DNAJC11: variants seen among roughly 807,000 people sequenced by gnomAD.
The protein encoded by DNAJC11 is dnaJ homolog subfamily C member 11.
DNAJC11 carries 15 observed loss-of-function variants against 78.6 expected under a neutral mutation model. The ratio of observed to expected loss-of-function variants is 0.19; its 90% confidence interval spans 0.13 to 0.29. The LOEUF is 0.29. DNAJC11 is among the 10% of genes least tolerant of loss of function. The probability of loss-of-function intolerance (pLI) is 1.00; values close to 1 mark genes in which losing one functional copy is unlikely to be tolerated. For synonymous variants in DNAJC11, 292 were observed against 272.1 expected (o/e 1.07, Z -0.72); for missense variants, 547 against 709.6 (o/e 0.77, Z 2.60).
chr1:6,652,757 G>A (rs994477043), intron 6 of DNAJC11, 72 bp downstream of exon 6: 12 of 1,597,480 alleles, frequency 7.5e-6, no homozygotes, highest in South Asian at 2.2e-5. Flanking sequence ...TTGAGGGTGA[G>A]CTTTGAGAGT....
Position 6,644,707 on chromosome 1 carries a change from C to T in DNAJC11, c.981-33G>A, listed in dbSNP as rs756958966. ...GAGAGAACGCGGTCTGTGCCTGTGC[C>T]CCTCATTCATCACTTCAGGGGCAGC... On this transcript the variant is annotated intron_variant, in intron 9 of 15. Coordinates refer to ENST00000377577, the MANE Select transcript of DNAJC11 (RefSeq NM_018198.4). The T allele has an allele frequency of 2.7e-5, 42 of 1,570,800 alleles. 1 individual carries two copies. Among genetic ancestry groups the T allele is most frequent in the Middle Eastern group, 1.7e-4 (1 of 5,972 alleles).
intron 14 of DNAJC11, 116 bp from the exon 15 acceptor site, chr1:6,636,362 A>C: frequency 1.4e-6 from 2 of 1,412,520 alleles, no homozygotes; most frequent in East Asian, 4.6e-5. Flanking sequence ...GGGAGATGCA[A>C]ACTTTGGGGC....
chr1:6,681,409 A>C (rs1195535259), intron 1 of DNAJC11, among the ~76,000 whole-genome samples: 1 of 152,248 alleles, frequency 6.6e-6, no homozygotes. Flanking sequence ...AGGTTCAGGC[A>C]AAGAAAAGCT....
chr1:6,651,250 T>TAGGTAAGGGAGAC, intron 7 of DNAJC11: 1 of 634,898 alleles, frequency 1.6e-6, no homozygotes, highest in Non-Finnish European at 3.0e-6. Flanking sequence ...CTGAAGGCAC[T>TAGGTAAGGGAGAC]CTTTCTCCGT....
rs537019443 is a variant in DNAJC11, at chr1:6,669,790, G to A, written c.277-1980C>T. ...ACAGTGGTTACTCTTTTTCTATCAC[G>A]ACCAAAGTTATCAGATGGATGGGGG... On this transcript the variant is annotated intron_variant, in intron 3 of 15. Transcript: ENST00000377577. Among the ~76,000 whole-genome samples, 3 of 152,050 alleles carry A rather than the reference G, an allele frequency of 2.0e-5. No individual in the cohort carries two copies. The East Asian group carries it at 5.8e-4, about 29-fold the overall frequency.
chr1:6,687,305 T>C (rs1642670416), intron 1 of DNAJC11, among the ~76,000 whole-genome samples: 1 of 151,960 alleles, frequency 6.6e-6, no homozygotes, highest in Non-Finnish European at 1.5e-5. Context: ...CCTATTTCAT[T>C]TTGTAAAGGT....
chr1:6,667,340 C>T (rs1642308529), intron 4 of DNAJC11, among the ~76,000 whole-genome samples: 1 of 152,152 alleles, frequency 6.6e-6, no homozygotes, highest in Non-Finnish European at 1.5e-5. Flanking sequence ...CTCTGCCCTG[C>T]CTGCCTCTGT....
intron 7 of DNAJC11, among the ~76,000 whole-genome samples, chr1:6,646,567 G>A (rs370008156): frequency 6.6e-6 from 1 of 152,136 alleles, no homozygotes; most frequent in African/African-American, 2.4e-5. Flanking sequence ...TTTTGGAGCT[G>A]CTGTGTGATT....
At chr1:6,654,104 A>G in intron 4 of DNAJC11, 65 bp from the exon 5 acceptor site, 1 of 1,582,016 alleles carries the variant, frequency 6.3e-7, no homozygotes, top group South Asian at 1.1e-5. Context: ...ACAATGCTAC[A>G]CTTCAACAGC....
At chr1:6,652,722 C>G (rs1642074158) in intron 6 of DNAJC11, 107 bp downstream of exon 6, 2 of 1,494,078 alleles carry the variant, frequency 1.3e-6, no homozygotes, top group East Asian at 2.3e-5. Context: ...CGTTCTTACA[C>G]AACAACGGGG....
Position 6,652,864 on chromosome 1 carries a change from G to T in DNAJC11, c.595C>A (p.Leu199Ile), listed in dbSNP as rs1215976488. ...GNGGGSINFA[L>I]RRVTSAKGWG... ...CCCTTTGCCGAAGTTACTCGTCTGA[G>T]CGCAAAGTTAATGGAACCTCCTCCA... is the stretch of plus-strand genomic sequence containing the variant. The change falls in exon 6 of 16, where the codon CTC becomes ATC. Residue 199 changes from leucine to isoleucine, a missense_variant. By Grantham distance (5) the Leu-to-Ile change is conservative. Transcript: ENST00000377577. 6.2e-7 allele frequency: 1 copy of T among 1,614,172 alleles called. No homozygotes were observed. The highest frequency in any genetic ancestry group is 2.2e-5 in the East Asian group (1 of 44,876).
At chr1:6,678,258 A>C in intron 3 of DNAJC11, 136 bp downstream of exon 3, 1 of 977,440 alleles carries the variant, frequency 1.0e-6, no homozygotes, top group Non-Finnish European at 1.6e-6. Context: ...CTAAAACAAA[A>C]ATACAGGGCA....
At chr1:6,698,730 T>A (rs539264958) in intron 1 of DNAJC11, among the ~76,000 whole-genome samples, 19 of 151,582 alleles carry the variant, frequency 1.3e-4, no homozygotes, top group Non-Finnish European at 2.5e-4. Context: ...CTGCTTGAGC[T>A]CAGGAGTTTG....
intron 1 of DNAJC11, among the ~76,000 whole-genome samples, chr1:6,693,665 AGCCACCAC>A (rs1202404351): frequency 2.0e-5 from 3 of 151,968 alleles, no homozygotes; most frequent in African/African-American, 7.3e-5. Context: ...TACAGGCATG[AGCCACCAC>A]GCCCAGCCTT....
At chr1:6,701,241 C>T (rs1433771567) in intron 1 of DNAJC11, among the ~76,000 whole-genome samples, 1 of 152,140 alleles carries the variant, frequency 6.6e-6, no homozygotes, top group Non-Finnish European at 1.5e-5. Context: ...CAGAGCGTCC[C>T]CACGAAAGAC....
intron 4 of DNAJC11, among the ~76,000 whole-genome samples, chr1:6,657,456 C>G (rs1309519448): frequency 6.6e-6 from 1 of 152,172 alleles, no homozygotes; most frequent in African/African-American, 2.4e-5. Context: ...CTGACTGCAA[C>G]CCCTGTGAGC....
At chr1:6,675,831 C>G (rs2147876105) in intron 3 of DNAJC11, among the ~76,000 whole-genome samples, 1 of 152,218 alleles carries the variant, frequency 6.6e-6, no homozygotes, top group South Asian at 2.1e-4. Flanking sequence ...CAGCAGACCC[C>G]AGTGCTCCAC....
rs1177256217 is a variant in DNAJC11, at chr1:6,652,221, CCAAT to C, written c.630+604_630+607del. Among the ~76,000 whole-genome samples, 4 of 152,172 alleles carry C rather than the reference CCAAT, an allele frequency of 2.6e-5. No individual in the cohort carries two copies. In the South Asian group the frequency reaches 8.3e-4, roughly 31 times the overall value. ...GGCAGAACTGGCTGTTAAATGGCCACCAATCAGTGAACCATCACGCGGAAGAGAG... is the reference window on the plus strand; with the variant it reads ...GGCAGAACTGGCTGTTAAATGGCCACCAGTGAACCATCACGCGGAAGAGAG... On this transcript the variant is annotated intron_variant, in intron 6 of 15. Transcript: ENST00000377577.
intron 15 of DNAJC11, 32 bp from the exon 16 acceptor site, chr1:6,635,732 G>A (rs2148725222): frequency 6.2e-7 from 1 of 1,613,992 alleles, no homozygotes; most frequent in Non-Finnish European, 8.5e-7. Flanking sequence ...CAGGTGATCA[G>A]AAGGTGGCCA....
Sources: allele counts gnomAD v4.1 joint callset (sites outside exome capture counted in the v4.1 genomes callset), GRCh38; gene constraint gnomAD v4.1.1; transcripts MANE v1.5; gene names NCBI Gene and HGNC (gene_info 2026-07-23, HGNC 2026-07-21).